Variants in CDYL observed in about 807,000 individuals in gnomAD.
The protein encoded by CDYL is chromodomain Y like.
A neutral mutation model predicts 47.3 loss-of-function variants in CDYL; 8 were observed. The observed-to-expected ratio is 0.17, with a 90% CI of 0.10 to 0.31. The LOEUF is 0.31. Ranked by LOEUF, CDYL falls within the 10% of genes least tolerant of loss-of-function variation. The pLI is 1.00. For missense variants in CDYL, 471 were observed against 701.4 expected (o/e 0.67, Z 3.71); for synonymous variants, 266 against 265.0 (o/e 1.00, Z -0.04).
Position 4,931,630 on chromosome 6 carries a change from G to A in CDYL, c.692-3885G>A, listed in dbSNP as rs373874346. On this transcript the variant is annotated intron_variant, in intron 2 of 6. Coordinates refer to ENST00000397588, the MANE Select transcript of CDYL (RefSeq NM_004824.4). ...CTGGCAGCCTGTGACTCCAAGACTC[G>A]ATCCTGCTGTGAATACTTCTCTACC... Among the ~76,000 whole-genome samples the A allele has an allele frequency of 4.6e-5, 7 of 152,260 alleles. No individual in the cohort carries two copies. The South Asian group carries it at 1.2e-3, about 27-fold the overall frequency.
intron 2 of CDYL, among the ~76,000 whole-genome samples, chr6:4,895,393 ATGCATGTATACATG>A (rs1762230207): frequency 2.1e-4 from 1 of 4,820 alleles, no homozygotes; most frequent in African/African-American, 2.1e-4. Flanking sequence ...ATGTGCATAT[ATGCATGTATACATG>A]TATACGTATA....
intron 2 of CDYL, among the ~76,000 whole-genome samples, chr6:4,723,991 T>C (rs2127411107): frequency 6.6e-6 from 1 of 152,302 alleles, no homozygotes; most frequent in East Asian, 1.9e-4. Flanking sequence ...GTGAAATTAT[T>C]TTACTCATCC....
rs779653039 is a variant in CDYL, at chr6:4,891,757, A to G, written c.69A>G (p.Thr23=). The change falls in exon 2 of 7, where the codon ACA becomes ACG. Residue 23 remains threonine (T), a synonymous_variant. Coordinates refer to ENST00000397588, the MANE Select transcript of CDYL (RefSeq NM_004824.4). ...VDKRKNKKGK[T]EYLVRWKGYD... ...AAAGGAAAAATAAAAAAGGGAAGACAGAGTATTTGGTTCGGTGGAAAGGCT... is the reference window on the plus strand; with the variant it reads ...AAAGGAAAAATAAAAAAGGGAAGACGGAGTATTTGGTTCGGTGGAAAGGCT... 1.2e-6 allele frequency: 2 copies of G among 1,614,066 alleles called. No individual in the cohort carries two copies. Among genetic ancestry groups the G allele is most frequent in the Non-Finnish European group, 1.7e-6 (2 of 1,180,032 alleles).
intron 2 of CDYL, among the ~76,000 whole-genome samples, chr6:4,730,843 T>C (rs747781641): frequency 6.6e-6 from 1 of 152,158 alleles, no homozygotes; most frequent in Non-Finnish European, 1.5e-5. Flanking sequence ...CATGCCTCAC[T>C]CACCACCCCG....
chr6:4,900,779 G>GTGTGTGTATATATA lies in CDYL; in HGVS notation c.691+8401_691+8402insGTGTGTATATATAT. Reference sequence around the variant, plus strand: ...TCTTCTGTTAATTCCGTATACGTGTGTATATATATATATATATATATATAT... The same window carrying GTGTGTGTATATATA: ...TCTTCTGTTAATTCCGTATACGTGTGTGTGTGTATATATATATATATATATATATATATATATAT... On this transcript the variant is annotated intron_variant, in intron 2 of 6. Transcript: ENST00000397588. Among the ~76,000 whole-genome samples the GTGTGTGTATATATA allele has an allele frequency of 2.8e-3, 142 of 51,562 alleles. 1 individual carries two copies. Among genetic ancestry groups the GTGTGTGTATATATA allele is most frequent in the Non-Finnish European group, 4.2e-3 (100 of 24,064 alleles). The allele number at this position is 51,562 out of a possible 152,430, so 33.8% of individuals were successfully genotyped here. A position where few individuals can be genotyped will look rare whatever the true frequency, so the allele number is the denominator to read the frequency against.
At chr6:4,812,083 A>C (rs1759544667) in intron 1 of CDYL, among the ~76,000 whole-genome samples, 1 of 152,194 alleles carries the variant, frequency 6.6e-6, no homozygotes, top group South Asian at 2.1e-4. Flanking sequence ...GCATCTTAAC[A>C]AGATCTTTGG....
chr6:4,766,029 T>C (rs73360677), intron 3 of CDYL, among the ~76,000 whole-genome samples: 2,026 of 152,180 alleles, frequency 0.013, 36 homozygotes, highest in African/African-American at 0.045. Flanking sequence ...ATGGCAGGAC[T>C]GATAAAGAAC....
chr6:4,933,860 A>G (rs1361941645), intron 2 of CDYL, among the ~76,000 whole-genome samples: 1 of 152,200 alleles, frequency 6.6e-6, no homozygotes, highest in East Asian at 1.9e-4. Context: ...TCGACAAGTC[A>G]CTGAATAGTA....
At chr6:4,741,747 G>A (rs2127417155) in intron 3 of CDYL, among the ~76,000 whole-genome samples, 1 of 152,322 alleles carries the variant, frequency 6.6e-6, no homozygotes, top group South Asian at 2.1e-4. Context: ...GTGCCTGGGT[G>A]AAAATCAGGA....
chr6:4,884,464 T>G (rs575361512), intron 1 of CDYL, among the ~76,000 whole-genome samples: 98 of 152,308 alleles, frequency 6.4e-4, no homozygotes, highest in African/African-American at 2.3e-3. Context: ...GAGTGGATAC[T>G]CAGAGGGAAA....
intron 1 of CDYL, among the ~76,000 whole-genome samples, chr6:4,801,859 T>C (rs1026509976): frequency 3.9e-5 from 6 of 152,204 alleles, no homozygotes; most frequent in Non-Finnish European, 8.8e-5. Context: ...TTTTTAAAAA[T>C]ATTGCTTTCT....
chr6:4,912,269 C>T (rs1050760106), intron 2 of CDYL, among the ~76,000 whole-genome samples: 7 of 151,888 alleles, frequency 4.6e-5, no homozygotes, highest in East Asian at 1.9e-4. Flanking sequence ...AAAATGTTGA[C>T]GTTGGTTTTG....
chr6:4,950,995 C>A (rs1758685979), intron 5 of CDYL, among the ~76,000 whole-genome samples: 1 of 152,016 alleles, frequency 6.6e-6, no homozygotes. Context: ...GTTTTCCAGC[C>A]TCTGCCTGCA....
intron 1 of CDYL, among the ~76,000 whole-genome samples, chr6:4,849,608 T>C (rs1472988536): frequency 3.3e-5 from 5 of 152,070 alleles, no homozygotes; most frequent in Non-Finnish European, 5.9e-5. Context: ...AAAACTTTAC[T>C]GTTCAAAGAA....
At chr6:4,809,282 T>A (rs1016597660) in intron 1 of CDYL, among the ~76,000 whole-genome samples, 18 of 152,398 alleles carry the variant, frequency 1.2e-4, no homozygotes, top group Middle Eastern at 3.4e-3. Flanking sequence ...ATCTTCATTT[T>A]AAAAAATAGC....
At chr6:4,941,151 A>T (rs1473754206) in intron 4 of CDYL, among the ~76,000 whole-genome samples, 1 of 152,240 alleles carries the variant, frequency 6.6e-6, no homozygotes, top group East Asian at 1.9e-4. Flanking sequence ...ATTCCAAAGA[A>T]ACAAATTTAA....
chr6:4,853,896 CA>C (rs1303583603), intron 1 of CDYL, among the ~76,000 whole-genome samples: 2 of 151,904 alleles, frequency 1.3e-5, no homozygotes, highest in African/African-American at 4.9e-5. Flanking sequence ...TGCCTTCGCA[CA>C]CCTTGTTTCT....
At position 4,935,407 on chromosome 6, in the gene CDYL, T is replaced by C; in HGVS notation, c.692-108T>C. On this transcript the variant is annotated intron_variant, in intron 2 of 6. Transcript: ENST00000397588. The stretch of plus-strand genomic sequence containing the variant: ...CTAAGTTTTAATATTCTTATATTCG[T>C]TTAATCCTAAGTGTGTAATGAACAT... The C allele has an allele frequency of 6.2e-6, 6 of 972,516 alleles. No individual in the cohort carries two copies. The South Asian group carries it at 9.6e-5, about 16-fold the overall frequency. The allele number at this position is 972,516 out of a possible 1,614,324, so 60.2% of individuals were successfully genotyped here. A position where few individuals can be genotyped will look rare whatever the true frequency, so the allele number is the denominator to read the frequency against.
intron 1 of CDYL, among the ~76,000 whole-genome samples, chr6:4,874,570 A>T (rs1024365956): frequency 6.6e-6 from 1 of 152,198 alleles, no homozygotes; most frequent in African/African-American, 2.4e-5. Context: ...CCTTTCTGCT[A>T]GGTGCGTTAA....
Sources: gnomAD v4.1 joint callset for allele counts (sites outside exome capture counted in the v4.1 genomes callset) on GRCh38, gnomAD v4.1.1 for gene constraint, MANE v1.5 for transcripts, NCBI Gene and HGNC (gene_info 2026-07-23, HGNC 2026-07-21) for gene names.